TERF2: variants seen among roughly 807,000 people sequenced by gnomAD.
The protein encoded by TERF2 is telomeric repeat-binding factor 2.
A neutral mutation model predicts 56.1 loss-of-function variants in TERF2; 16 were observed. The ratio of observed to expected loss-of-function variants is 0.29; its 90% CI spans 0.19 to 0.43. The LOEUF is 0.43. Ranked by LOEUF, TERF2 falls within the 20% of genes least tolerant of loss-of-function variation. TERF2 has a pLI of 1.00. For synonymous variants in TERF2, 296 were observed against 282.1 expected, an observed-to-expected ratio of 1.05 and a Z score of -0.50; for missense variants, 547 against 712.9, an observed-to-expected ratio of 0.77 and a Z score of 2.65.
At chr16:69,372,429 ACT>A (rs773643151) in intron 3 of TERF2, 74 bp from the exon 4 acceptor site, 2 of 956,970 alleles carry the variant, frequency 2.1e-6, no homozygotes, top group Non-Finnish European at 3.2e-6. Context: ...CATCAAAATA[ACT>A]CTCTCTCACA....
At chr16:69,359,527 C>CA (rs71383990) in intron 8 of TERF2, among the ~76,000 whole-genome samples, 2,786 of 103,468 alleles carry the variant, frequency 0.027, 47 homozygotes, top group Middle Eastern at 0.087. Flanking sequence ...GACTCTGTCT[C>CA]AAAAAAAAAA....
chr16:69,382,622 A>G (rs1376053980), intron 3 of TERF2, among the ~76,000 whole-genome samples: 9 of 152,230 alleles, frequency 5.9e-5, no homozygotes, highest in Non-Finnish European at 1.2e-4. Context: ...GCTCTCTTGC[A>G]TGATTTGCTG....
intron 8 of TERF2, among the ~76,000 whole-genome samples, chr16:69,358,398 G>A (rs1423135012): frequency 1.3e-5 from 2 of 152,204 alleles, no homozygotes; most frequent in African/African-American, 2.4e-5. Context: ...CACCCACCTC[G>A]GCCTCCCAAA....
chr16:69,364,428 A>T (rs1011086629), intron 7 of TERF2, among the ~76,000 whole-genome samples: 3 of 152,160 alleles, frequency 2.0e-5, no homozygotes, highest in Middle Eastern at 3.2e-3. Flanking sequence ...AGTAGCCAGG[A>T]GCCTGGGAAT....
Position 69,357,547 on chromosome 16 carries a change from C to G in TERF2, c.1441G>C (p.Asp481His). Residue 481 changes from aspartate (D) to histidine (H), a missense_variant, in exon 9 of 10, where the codon GAC (aspartate) becomes CAC (histidine). Transcript: ENST00000254942. ...LFQVQAAPDE[D>H]STTNITKKQK... ...TTTTTTGTTATATTGGTTGTACTGT[C>G]TTCATCTGGTGCTGCTGGAAAACAT... The G allele has an allele frequency of 6.2e-7, 1 of 1,613,514 alleles. No homozygotes were observed. Among genetic ancestry groups the G allele is most frequent in the Non-Finnish European group, 8.5e-7 (1 of 1,179,856 alleles).
At chr16:69,381,479 ATTT>A (rs759759533) in intron 3 of TERF2, among the ~76,000 whole-genome samples, 6 of 142,084 alleles carry the variant, frequency 4.2e-5, no homozygotes, top group African/African-American at 1.3e-4. Context: ...ACTTCCTCTT[ATTT>A]TTTTTTTTTT....
At chr16:69,379,217 G>C (rs953092637) in intron 3 of TERF2, among the ~76,000 whole-genome samples, 1 of 152,182 alleles carries the variant, frequency 6.6e-6, no homozygotes, top group Non-Finnish European at 1.5e-5. Flanking sequence ...GAAGAATAAA[G>C]AAGCAGATGC....
chr16:69,371,164 G>GT (rs1462890013), intron 4 of TERF2, among the ~76,000 whole-genome samples: 1 of 152,002 alleles, frequency 6.6e-6, no homozygotes, highest in Non-Finnish European at 1.5e-5. Context: ...TTTGAATTCT[G>GT]TATTATGTAC....
intron 5 of TERF2, among the ~76,000 whole-genome samples, chr16:69,369,297 A>G (rs2142733974): frequency 6.6e-6 from 1 of 152,268 alleles, no homozygotes; most frequent in South Asian, 2.1e-4. Flanking sequence ...TGGGCCTGGC[A>G]GATCTGTTAC....
Position 69,356,813 on chromosome 16 carries a change from A to AG in TERF2, c.*84_*85insC. 1 of 1,441,372 alleles carries AG rather than the reference A, an allele frequency of 6.9e-7. No homozygotes were observed. The highest frequency in any genetic ancestry group is 2.4e-5 in the East Asian group (1 of 42,432). 89.3% of individuals were successfully genotyped at this position (1,441,372 alleles called of 1,614,324 possible). A position where few individuals can be genotyped will look rare whatever the true frequency, so the allele number is the denominator to read the frequency against. On this transcript the variant is annotated 3_prime_UTR_variant, in exon 10 of 10. Coordinates refer to ENST00000254942, the MANE Select transcript of TERF2 (RefSeq NM_005652.5). ...AGACTCTGTCTCAAAAAAAAAAAAAAAAGAAAAAGAAAGAAAGAGCAGACT... is the reference window on the plus strand; with the variant it reads ...AGACTCTGTCTCAAAAAAAAAAAAAAGAAGAAAAAGAAAGAAAGAGCAGACT...
chr16:69,364,766 G>A (rs777135205), intron 7 of TERF2, among the ~76,000 whole-genome samples: 8 of 152,118 alleles, frequency 5.3e-5, no homozygotes, highest in Non-Finnish European at 1.0e-4. Context: ...CTAAAACCTT[G>A]CTGAATAGGC....
In TERF2 at chr16:69,356,257, T is replaced by G. The variant is rs1176742232; in HGVS notation, c.*641A>C. The G allele has an allele frequency of 2.2e-6, 1 of 447,144 alleles. No individual in the cohort carries two copies. The allele number at this position is 447,144 out of a possible 1,614,324, so 27.7% of individuals were successfully genotyped here. A position where few individuals can be genotyped will look rare whatever the true frequency, so the allele number is the denominator to read the frequency against. Reference sequence around the variant, plus strand: ...GAGTCACAAGTGGCTCCTAATAGACTTCACCATTTCCTAGGAGAAGGTTCT... The same window carrying G: ...GAGTCACAAGTGGCTCCTAATAGACGTCACCATTTCCTAGGAGAAGGTTCT... On this transcript the variant is annotated 3_prime_UTR_variant, in exon 10 of 10. Transcript: ENST00000254942.
At chr16:69,365,680 C>T (rs1057179095) in intron 7 of TERF2, 1 of 152,404 alleles carries the variant, frequency 6.6e-6, no homozygotes, top group Admixed American at 6.5e-5. Context: ...CGCCCACCAC[C>T]ACGCCTGGCG....
Position 69,356,865 on chromosome 16 carries a change from C to G in TERF2, c.*33G>C. On this transcript the variant is annotated 3_prime_UTR_variant, in exon 10 of 10. Coordinates refer to ENST00000254942, the MANE Select transcript of TERF2 (RefSeq NM_005652.5). ...TCAGGGGCTATTATTAGGAACCATG[C>G]TCCTGTGAATTCTGTGGAAATGAAA... 6.3e-7 allele frequency: 1 copy of G among 1,582,390 alleles called. No individual in the cohort carries two copies. The highest frequency in any genetic ancestry group is 8.6e-7 in the Non-Finnish European group (1 of 1,166,140).
intron 3 of TERF2, among the ~76,000 whole-genome samples, chr16:69,378,176 T>C (rs2013863496): frequency 6.6e-6 from 1 of 152,202 alleles, no homozygotes; most frequent in Non-Finnish European, 1.5e-5. Context: ...CTTAATATGG[T>C]GGACTACACT....
At chr16:69,383,310 TA>T (rs747337546) in intron 3 of TERF2, among the ~76,000 whole-genome samples, 3 of 152,236 alleles carry the variant, frequency 2.0e-5, no homozygotes, top group Non-Finnish European at 4.4e-5. Context: ...ATGCTCAAAC[TA>T]AATTTAATGC....
At chr16:69,375,336 G>C (rs997760948) in intron 3 of TERF2, among the ~76,000 whole-genome samples, 4 of 152,198 alleles carry the variant, frequency 2.6e-5, no homozygotes, top group Non-Finnish European at 4.4e-5. Context: ...TTCTGGAGTA[G>C]CTGTATCATC....
rs764321730 is a variant in TERF2, at chr16:69,366,955, G to T, written c.1192C>A (p.Arg398Ser). ...GGSELQPKNK[R>S]MTISRLVLEE... is the part of the protein sequence containing the mutation. Reference sequence around the variant, plus strand: ...AAGACCAATCTGCTTATTGTCATGCGCTTGTTCTTGGGCTGCAGTTCCGAG... The same window carrying T: ...AAGACCAATCTGCTTATTGTCATGCTCTTGTTCTTGGGCTGCAGTTCCGAG... The change falls in exon 7 of 10, where the codon CGC becomes AGC. Residue 398 changes from arginine (R) to serine (S), a missense_variant. Physicochemically the swap from Arg to Ser is moderately radical, Grantham distance 110. Around this residue, in one of 6 missense-constraint regions of TERF2, gnomAD observed 211 missense variants for 236.8 expected, o/e 0.89. Coordinates refer to ENST00000254942, the MANE Select transcript of TERF2 (RefSeq NM_005652.5). The T allele has an allele frequency of 9.3e-6, 15 of 1,614,068 alleles. No homozygotes were observed. Among genetic ancestry groups the T allele is most frequent in the African/African-American group, 1.3e-5 (1 of 74,902 alleles).
chr16:69,383,128 A>C (rs201820007), intron 3 of TERF2, among the ~76,000 whole-genome samples: 1 of 152,224 alleles, frequency 6.6e-6, no homozygotes, highest in Non-Finnish European at 1.5e-5. Flanking sequence ...GAGGGGCCAG[A>C]TGGCAAATCT....
Sources: allele counts gnomAD v4.1 joint callset (sites outside exome capture counted in the v4.1 genomes callset), GRCh38; gene constraint gnomAD v4.1.1; regional missense constraint gnomAD v4.1.1; transcripts MANE v1.5; gene names NCBI Gene and HGNC (gene_info 2026-07-23, HGNC 2026-07-21).